The following ZFP64 variants were observed in gnomAD, a reference collection of about 807,000 sequenced individuals.
ZFP64 encodes the protein zinc finger protein 64.
Under a neutral mutation model 51.6 loss-of-function variants are expected in ZFP64, and 14 were observed. That is an observed-to-expected ratio of 0.27 (90% confidence interval 0.18 to 0.42). The LOEUF (loss-of-function observed/expected upper bound fraction) is 0.42. Among genes scored for constraint, ZFP64 ranks in the 10% least tolerant of loss-of-function variants. ZFP64 has a pLI of 1.00. For missense variants in ZFP64, 754 were observed against 906.8 expected (o/e 0.83, Z 2.16); for synonymous variants, 375 against 361.4 (o/e 1.04, Z -0.43).
intron 7 of ZFP64, among the ~76,000 whole-genome samples, chr20:52,091,869 A>T (rs1432825771): frequency 8.1e-6 from 1 of 124,188 alleles, no homozygotes; most frequent in Non-Finnish European, 1.8e-5. Flanking sequence ...ACATGCCTGT[A>T]ATCCCAGCTA....
chr20:52,136,026 G>A (rs1380997965), intron 5 of ZFP64, among the ~76,000 whole-genome samples: 1 of 145,316 alleles, frequency 6.9e-6, no homozygotes, highest in Non-Finnish European at 1.5e-5. Context: ...TTGAATCAGG[G>A]AGGTGGAGGT....
intron 1 of ZFP64, among the ~76,000 whole-genome samples, chr20:52,188,308 CTTTTTTTTTTTTT>C (rs1164512289): frequency 2.9e-5 from 3 of 104,222 alleles, no homozygotes; most frequent in African/African-American, 6.7e-5. Context: ...CTTTTTCTTT[CTTTTTTTTTTTTT>C]TTTTTTTTTT....
intron 5 of ZFP64, among the ~76,000 whole-genome samples, chr20:52,119,802 A>T (rs935431190): frequency 6.6e-6 from 1 of 151,948 alleles, no homozygotes; most frequent in Non-Finnish European, 1.5e-5. Context: ...AGGCAAAGAG[A>T]CGGCACTTTT....
intron 5 of ZFP64, among the ~76,000 whole-genome samples, chr20:52,143,320 A>G (rs1460975462): frequency 7.0e-6 from 1 of 142,520 alleles, no homozygotes; most frequent in Non-Finnish European, 1.6e-5. Context: ...TAAAGCAACC[A>G]ACTAACCATC....
intron 2 of ZFP64, among the ~76,000 whole-genome samples, chr20:52,173,731 C>A (rs1182981673): frequency 6.6e-6 from 1 of 151,996 alleles, no homozygotes; most frequent in Non-Finnish European, 1.5e-5. Flanking sequence ...TCACAGCAAC[C>A]TCCGCTACCC....
intron 5 of ZFP64, among the ~76,000 whole-genome samples, chr20:52,141,070 C>T (rs1013255845): frequency 6.6e-6 from 1 of 152,168 alleles, no homozygotes; most frequent in African/African-American, 2.4e-5. Flanking sequence ...TTTAAAGCCC[C>T]ATGTTGAGAC....
chr20:52,115,001 TC>T (rs1450929730), intron 5 of ZFP64, among the ~76,000 whole-genome samples: 2 of 151,856 alleles, frequency 1.3e-5, no homozygotes, highest in Non-Finnish European at 2.9e-5. Context: ...ATCAAGACCA[TC>T]CTGGCTAACA....
At chr20:52,114,234 G>T (rs1003587597) in intron 5 of ZFP64, among the ~76,000 whole-genome samples, 2 of 152,226 alleles carry the variant, frequency 1.3e-5, no homozygotes, top group African/African-American at 2.4e-5. Context: ...CGATAGAAAA[G>T]ATTAAACACA....
chr20:52,124,531 T>C (rs369458203), intron 5 of ZFP64, among the ~76,000 whole-genome samples: 2 of 152,096 alleles, frequency 1.3e-5, no homozygotes, highest in East Asian at 3.8e-4. Context: ...TGGTATTGAG[T>C]GTTCACTAAA....
rs370075472 is a variant in ZFP64, at chr20:52,153,489, C to A, written c.764-61G>T. On this transcript the variant is annotated intron_variant, in intron 5 of 5. Coordinates refer to ENST00000216923, the MANE Select transcript of ZFP64 (RefSeq NM_018197.3). This position sits in a 1 kb window ranked among gnomAD's most constrained non-coding sequence, Gnocchi z 5.1. ...AGGCAACAACCACAGCGGATCCCCCCGAAGCACACACCAGAAAATCGCTTA... is the reference window on the plus strand; with the variant it reads ...AGGCAACAACCACAGCGGATCCCCCAGAAGCACACACCAGAAAATCGCTTA... The A allele has an allele frequency of 1.9e-6, 3 of 1,544,876 alleles. No individual in the cohort carries two copies. Among genetic ancestry groups the A allele is most frequent in the East Asian group, 2.3e-5 (1 of 43,808 alleles).
intron 5 of ZFP64, among the ~76,000 whole-genome samples, chr20:52,101,088 A>G (rs986596724): frequency 2.0e-5 from 3 of 152,174 alleles, no homozygotes; most frequent in Non-Finnish European, 4.4e-5. Context: ...AATGGCATCT[A>G]GTGGGTGAAG....
intron 5 of ZFP64, chr20:52,110,913 G>T: frequency 1.2e-6 from 2 of 1,603,428 alleles, no homozygotes; most frequent in Non-Finnish European, 1.7e-6. Flanking sequence ...CAAGACGCCT[G>T]AACTCATCCT....
intron 5 of ZFP64, among the ~76,000 whole-genome samples, chr20:52,136,719 G>A (rs894246677): frequency 6.6e-6 from 1 of 152,060 alleles, no homozygotes; most frequent in African/African-American, 2.4e-5. Context: ...TTTAATAACT[G>A]TTTTTCAAAT....
intron 5 of ZFP64, among the ~76,000 whole-genome samples, chr20:52,113,969 A>G (rs1033272054): frequency 6.6e-6 from 1 of 152,126 alleles, no homozygotes; most frequent in Admixed American, 6.6e-5. Context: ...CCTTTGAGCT[A>G]AAACACAAAT....
intron 5 of ZFP64, among the ~76,000 whole-genome samples, chr20:52,101,321 G>A (rs545039912): frequency 2.6e-5 from 4 of 152,254 alleles, no homozygotes; most frequent in East Asian, 1.9e-4. Flanking sequence ...AAAACTTAGG[G>A]GCAGGAGGAG....
chr20:52,163,204 T>C (rs1236205837), intron 4 of ZFP64, among the ~76,000 whole-genome samples: 1 of 151,970 alleles, frequency 6.6e-6, no homozygotes, highest in Non-Finnish European at 1.5e-5. Flanking sequence ...CTACTAAAAA[T>C]ACAAAAATTA....
rs182198246 is a variant in ZFP64 at position 52,142,164 on chromosome 20, C to T, written c.763+17959G>A. 9.2e-5 allele frequency among the ~76,000 whole-genome samples: 14 copies of T among 151,544 alleles called. No homozygotes were observed. The South Asian group carries it at 1.5e-3, about 16-fold the overall frequency. ...TGCGGATGACCTGAGGTCAGGAGTT[C>T]GAGACCAGTCTGGCCAAGATGGTGA... On this transcript the variant is annotated intron_variant, in intron 5 of 8. Transcript: ENST00000361387.
intron 2 of ZFP64, among the ~76,000 whole-genome samples, chr20:52,169,115 A>G (rs963577855): frequency 2.0e-5 from 3 of 152,212 alleles, no homozygotes; most frequent in Admixed American, 6.5e-5. Flanking sequence ...TTCTCACTAT[A>G]AATGGGGACA....
In ZFP64 at chr20:52,086,679, C is replaced by T. The variant is rs1013327784; in HGVS notation, c.1229-1413G>A. On this transcript the variant is annotated intron_variant, in intron 8 of 8. Coordinates refer to the ZFP64 transcript ENST00000361387. ...ATTTTTAGTAGAGACGGGGTTTCAC[C>T]GTGTTAGCCAGGATGGTTTCGATCT... Among the ~76,000 whole-genome samples the T allele has an allele frequency of 7.2e-5, 11 of 152,144 alleles. No homozygotes were observed. In the East Asian group the frequency reaches 9.7e-4, roughly 13 times the overall value.
Sources: gnomAD v4.1 joint callset for allele counts (sites outside exome capture counted in the v4.1 genomes callset) on GRCh38, gnomAD v4.1.1 for gene constraint, Gnocchi (gnomAD v3.1) non-coding constraint, MANE v1.5 for transcripts, NCBI Gene and HGNC (gene_info 2026-07-23, HGNC 2026-07-21) for gene names.